The following ASIC2 variants were observed in gnomAD, a reference collection of about 807,000 sequenced individuals.
ASIC2 encodes the protein acid-sensing ion channel 2.
Under a neutral mutation model 57.3 loss-of-function variants are expected in ASIC2, and 25 were observed. That is an observed-to-expected ratio of 0.44 (90% CI 0.32 to 0.61). ASIC2 has a LOEUF of 0.61. Among genes scored for constraint, ASIC2 ranks in the 20% least tolerant of loss-of-function variants. The pLI is 0.06. For missense variants in ASIC2, 641 were observed against 738.1 expected (o/e 0.87, Z 1.52); for synonymous variants, 319 against 307.5 (o/e 1.04, Z -0.39).
intron 1 of ASIC2, among the ~76,000 whole-genome samples, chr17:33,321,658 T>C (rs1344616641): frequency 2.6e-5 from 4 of 152,188 alleles, no homozygotes; most frequent in African/African-American, 9.6e-5. Flanking sequence ...GAGGTAAGGA[T>C]TAAAAACAGC....
intron 1 of ASIC2, among the ~76,000 whole-genome samples, chr17:33,206,768 C>T (rs1907077376): frequency 6.6e-6 from 1 of 152,132 alleles, no homozygotes; most frequent in African/African-American, 2.4e-5. Flanking sequence ...ATTGGAGAAG[C>T]TGTTTTTAAA....
intron 1 of ASIC2, among the ~76,000 whole-genome samples, chr17:33,228,188 G>C (rs1353795331): frequency 6.6e-6 from 1 of 152,178 alleles, no homozygotes; most frequent in Non-Finnish European, 1.5e-5. Flanking sequence ...CAGATAGAAC[G>C]AGAGCTTAAT....
intron 1 of ASIC2, among the ~76,000 whole-genome samples, chr17:33,831,609 G>T (rs1259530872): frequency 3.3e-5 from 5 of 150,512 alleles, no homozygotes; most frequent in African/African-American, 1.2e-4. Flanking sequence ...ATAGAGTCCT[G>T]CAAAGTTTTG....
intron 1 of ASIC2, among the ~76,000 whole-genome samples, chr17:33,913,701 T>C (rs1915520592): frequency 6.6e-6 from 1 of 151,066 alleles, no homozygotes; most frequent in Admixed American, 6.6e-5. Context: ...GTACACTTAG[T>C]CTTATTCTGC....
intron 3 of ASIC2, among the ~76,000 whole-genome samples, chr17:33,081,799 C>A (rs2092114043): frequency 1.3e-5 from 2 of 152,156 alleles, no homozygotes; most frequent in African/African-American, 4.8e-5. Context: ...TCTTGTGAGC[C>A]ATGGTGGGAT....
intron 1 of ASIC2, among the ~76,000 whole-genome samples, chr17:33,483,685 T>C (rs2141928855): frequency 6.6e-6 from 1 of 152,358 alleles, no homozygotes; most frequent in Non-Finnish European, 1.5e-5. Flanking sequence ...TGTGGTTTGG[T>C]GACTATTCAT....
chr17:33,988,060 G>A (rs1905879475), intron 1 of ASIC2, among the ~76,000 whole-genome samples: 1 of 152,176 alleles, frequency 6.6e-6, no homozygotes, highest in Admixed American at 6.5e-5. Flanking sequence ...ATTTAAAGGA[G>A]AGTAAGAGTG....
At chr17:34,069,315 TTCCTTTCC>T (rs1909300474) in intron 1 of ASIC2, 4 of 110,000 alleles carry the variant, frequency 3.6e-5, no homozygotes, top group African/African-American at 1.1e-4. Flanking sequence ...CCTTCCTTTC[TTCCTTTCC>T]TCTCTTTCTT....
At chr17:33,929,995 A>G (rs1015241636) in intron 1 of ASIC2, among the ~76,000 whole-genome samples, 1 of 152,220 alleles carries the variant, frequency 6.6e-6, no homozygotes, top group Non-Finnish European at 1.5e-5. Flanking sequence ...CTCTCAAACC[A>G]GCACAGCAGG....
intron 1 of ASIC2, among the ~76,000 whole-genome samples, chr17:33,920,062 A>G (rs1915675186): frequency 6.6e-6 from 1 of 152,200 alleles, no homozygotes; most frequent in Non-Finnish European, 1.5e-5. Flanking sequence ...ACACTTATAC[A>G]CTGCTGGTGG....
intron 1 of ASIC2, among the ~76,000 whole-genome samples, chr17:33,271,021 C>G (rs1904470406): frequency 6.6e-6 from 1 of 152,106 alleles, no homozygotes; most frequent in South Asian, 2.1e-4. Flanking sequence ...CATTTGGTTC[C>G]AAAACCTATG....
At chr17:33,432,942 G>T (rs1429336537) in intron 1 of ASIC2, among the ~76,000 whole-genome samples, 1 of 152,174 alleles carries the variant, frequency 6.6e-6, no homozygotes, top group Non-Finnish European at 1.5e-5. Flanking sequence ...GAACACTTAC[G>T]CACCGTTGGT....
At chr17:33,805,140 T>C (rs1350809965) in intron 1 of ASIC2, among the ~76,000 whole-genome samples, 1 of 152,200 alleles carries the variant, frequency 6.6e-6, no homozygotes, top group Non-Finnish European at 1.5e-5. Flanking sequence ...GTCTGATGCT[T>C]CTGAATTCTT....
At chr17:33,036,725 T>C (rs1217318864) in intron 3 of ASIC2, among the ~76,000 whole-genome samples, 1 of 152,170 alleles carries the variant, frequency 6.6e-6, no homozygotes, top group Non-Finnish European at 1.5e-5. Flanking sequence ...TGTTTTTCTC[T>C]AACTGCCCTG....
intron 7 of ASIC2, 42 bp downstream of exon 7, chr17:33,021,177 C>CACAAAG: frequency 9.8e-7 from 1 of 1,017,024 alleles, no homozygotes; most frequent in Admixed American, 1.7e-5. Flanking sequence ...CCCTCCCACC[C>CACAAAG]TCTATGAGAT....
intron 1 of ASIC2, among the ~76,000 whole-genome samples, chr17:33,811,402 G>T (rs973202278): frequency 6.6e-6 from 1 of 152,194 alleles, no homozygotes; most frequent in African/African-American, 2.4e-5. Context: ...AAGGATTCAC[G>T]CTCATATCCC....
intron 1 of ASIC2, among the ~76,000 whole-genome samples, chr17:33,479,338 A>G (rs1025156495): frequency 3.9e-5 from 6 of 151,992 alleles, no homozygotes; most frequent in African/African-American, 1.5e-4. Context: ...CTGTTTCTAT[A>G]TTTGTTGAGG....
intron 1 of ASIC2, among the ~76,000 whole-genome samples, chr17:33,957,069 G>C (rs777567664): frequency 2.8e-4 from 43 of 152,208 alleles, no homozygotes; most frequent in Non-Finnish European, 5.7e-4. Context: ...AGAGATGAGG[G>C]ATGAGCATCT....
chr17:34,065,293 G>A (rs1989942), intron 1 of ASIC2, among the ~76,000 whole-genome samples: 1,650 of 152,268 alleles, frequency 0.011, 111 homozygotes, highest in Admixed American at 0.091. Flanking sequence ...ACCACACATC[G>A]TATGTTCTCA....
Sources: gnomAD v4.1 joint callset for allele counts (sites outside exome capture counted in the v4.1 genomes callset) on GRCh38, gnomAD v4.1.1 for gene constraint, MANE v1.5 for transcripts, NCBI Gene and HGNC (gene_info 2026-07-23, HGNC 2026-07-21) for gene names.